The following MAP2K4 variants were observed in gnomAD, a reference collection of about 807,000 sequenced individuals.
MAP2K4 encodes dual specificity mitogen-activated protein kinase kinase 4.
MAP2K4 carries 4 observed loss-of-function variants against 48.5 expected under a neutral mutation model. That is an observed-to-expected ratio of 0.08 (90% CI 0.04 to 0.19). MAP2K4 has a LOEUF of 0.19. Among genes scored for constraint, MAP2K4 ranks in the 10% least tolerant of loss-of-function variants. The pLI, the probability that MAP2K4 is intolerant of heterozygous loss-of-function variation, is 1.00. For missense variants in MAP2K4, 258 were observed against 493.3 expected (o/e 0.52, Z 4.52); for synonymous variants, 166 against 173.1 (o/e 0.96, Z 0.32).
At chr17:12,097,173 G>T (rs764749678) in intron 4 of MAP2K4, among the ~76,000 whole-genome samples, 1 of 151,878 alleles carries the variant, frequency 6.6e-6, no homozygotes, top group Non-Finnish European at 1.5e-5. Context: ...TTTTCTTCAC[G>T]ATCATTAAAT....
chr17:12,031,553 T>G (rs2151509900), intron 1 of MAP2K4, among the ~76,000 whole-genome samples: 1 of 152,320 alleles, frequency 6.6e-6, no homozygotes, highest in African/African-American at 2.4e-5. Flanking sequence ...TGGATGCATC[T>G]TATCAAAAAT....
At chr17:12,048,096 G>A (rs1012696659) in intron 1 of MAP2K4, among the ~76,000 whole-genome samples, 1 of 152,068 alleles carries the variant, frequency 6.6e-6, no homozygotes, top group Non-Finnish European at 1.5e-5. Context: ...TTGAACTCAT[G>A]GGCGCAAACG....
intron 1 of MAP2K4, among the ~76,000 whole-genome samples, chr17:12,033,998 C>T (rs1196935979): frequency 2.6e-5 from 4 of 152,014 alleles, no homozygotes; most frequent in African/African-American, 9.7e-5. Flanking sequence ...GCTATGTTGC[C>T]CAGGCTGGTC....
intron 1 of MAP2K4, among the ~76,000 whole-genome samples, chr17:12,028,306 A>T (rs1488041672): frequency 6.6e-6 from 1 of 152,190 alleles, no homozygotes; most frequent in East Asian, 1.9e-4. Context: ...GGATTTGATG[A>T]GTATTTTATC....
intron 4 of MAP2K4, among the ~76,000 whole-genome samples, chr17:12,103,894 CTTTTTA>C (rs572172141): frequency 6.3e-4 from 96 of 151,986 alleles, no homozygotes; most frequent in African/African-American, 2.2e-3. Flanking sequence ...TTAAATACAC[CTTTTTA>C]TTTTATTTTT....
chr17:12,022,920 G>A (rs186768404), intron 1 of MAP2K4, among the ~76,000 whole-genome samples: 1 of 152,308 alleles, frequency 6.6e-6, no homozygotes, highest in Non-Finnish European at 1.5e-5. Context: ...GTGTATGAAG[G>A]TTCCAAAGCA....
chr17:12,096,331 T>A (rs1271102169), intron 4 of MAP2K4, among the ~76,000 whole-genome samples: 1 of 152,178 alleles, frequency 6.6e-6, no homozygotes, highest in Non-Finnish European at 1.5e-5. Context: ...TTATTTTGTG[T>A]CCCAACTTGG....
chr17:12,058,221 A>C (rs1391846102), intron 2 of MAP2K4, among the ~76,000 whole-genome samples: 7 of 142,110 alleles, frequency 4.9e-5, no homozygotes, highest in African/African-American at 1.8e-4. Flanking sequence ...AATTAACTAG[A>C]CCTTTCTTTT....
Position 12,107,904 on chromosome 17 carries a change from T to G in MAP2K4, c.628T>G (p.Leu210Val). Residue 210 changes from leucine to valine, a missense_variant, in exon 5 of 11, where the codon TTA becomes GTA. By Grantham distance (32) the Leu-to-Val change is conservative (BLOSUM62 1). Around this residue, in one of 3 missense-constraint regions of MAP2K4, gnomAD observed 132 missense variants for 352.8 expected, o/e 0.37. Transcript: ENST00000353533. ...IPEEILGKIT[L>V]ATVKALNHLK... Reference sequence around the variant, plus strand: ...AGAAGAAATTTTAGGCAAAATCACTTTAGCAGTAAGTACCTGGTCTTTAAA... The same window carrying G: ...AGAAGAAATTTTAGGCAAAATCACTGTAGCAGTAAGTACCTGGTCTTTAAA... 1.3e-6 allele frequency: 2 copies of G among 1,593,126 alleles called. No homozygotes were observed. Among genetic ancestry groups the G allele is most frequent in the Non-Finnish European group, 1.7e-6 (2 of 1,171,912 alleles).
At chr17:12,091,742 T>C (rs12946228) in intron 3 of MAP2K4, among the ~76,000 whole-genome samples, 25,604 of 152,094 alleles carry the variant, frequency 0.17, 2,538 homozygotes, top group South Asian at 0.3. Flanking sequence ...TGGGCTTATA[T>C]GCAATCTTGA....
chr17:12,071,679 C>G (rs1235837390), intron 2 of MAP2K4, among the ~76,000 whole-genome samples: 6 of 152,086 alleles, frequency 3.9e-5, no homozygotes, highest in African/African-American at 7.2e-5. Context: ...TGGCTCATCG[C>G]TAAATTACGG....
At position 12,048,528 on chromosome 17, in the gene MAP2K4, A is replaced by G. The variant is rs539199642; in HGVS notation, c.116-6361A>G. On this transcript the variant is annotated intron_variant, in intron 1 of 10. Coordinates refer to ENST00000353533, the MANE Select transcript of MAP2K4 (RefSeq NM_003010.4). ...TTTTAGTAATTGCTCACTCTTATGTATCAAAGATTGCCAGTGGGGGGAGAT... is the reference window on the plus strand; with the variant it reads ...TTTTAGTAATTGCTCACTCTTATGTGTCAAAGATTGCCAGTGGGGGGAGAT... Among the ~76,000 whole-genome samples, 67 of 152,270 alleles carry G rather than the reference A, an allele frequency of 4.4e-4. 1 individual carries two copies. In the South Asian group the frequency reaches 8.9e-3, roughly 20 times the overall value.
At chr17:12,089,491 T>G (rs1363693445) in intron 3 of MAP2K4, among the ~76,000 whole-genome samples, 1 of 152,234 alleles carries the variant, frequency 6.6e-6, no homozygotes, top group African/African-American at 2.4e-5. Context: ...AGCCCTACAC[T>G]GATTTCCTCT....
At chr17:12,102,528 T>C (rs979676593) in intron 4 of MAP2K4, among the ~76,000 whole-genome samples, 1 of 152,156 alleles carries the variant, frequency 6.6e-6, no homozygotes, top group Non-Finnish European at 1.5e-5. Flanking sequence ...ATTGTAATGC[T>C]AGCCTCATAG....
chr17:12,048,861 T>C (rs925955841), intron 1 of MAP2K4, among the ~76,000 whole-genome samples: 3 of 152,090 alleles, frequency 2.0e-5, no homozygotes, highest in Non-Finnish European at 4.4e-5. Context: ...TTTACCATGT[T>C]GGCCTGGCTG....
intron 1 of MAP2K4, among the ~76,000 whole-genome samples, chr17:12,050,874 A>G (rs1169960477): frequency 6.6e-6 from 1 of 152,214 alleles, no homozygotes; most frequent in African/African-American, 2.4e-5. Flanking sequence ...ACACTTGACC[A>G]ATCCCTTTCT....
At chr17:12,124,455 A>G (rs1281365030) in intron 7 of MAP2K4, 2 of 152,226 alleles carry the variant, frequency 1.3e-5, no homozygotes, top group African/African-American at 2.4e-5. Context: ...ACAGACAAAT[A>G]TCTTTACACA....
chr17:12,025,098 G>A (rs557016962), intron 1 of MAP2K4, among the ~76,000 whole-genome samples: 1 of 152,284 alleles, frequency 6.6e-6, no homozygotes, highest in Admixed American at 6.5e-5. Context: ...AGCAGCTAGC[G>A]TTCCCATAGC....
At chr17:12,054,128 G>T (rs1171596244) in intron 1 of MAP2K4, among the ~76,000 whole-genome samples, 2 of 152,054 alleles carry the variant, frequency 1.3e-5, no homozygotes, top group Non-Finnish European at 2.9e-5. Flanking sequence ...TTCAATTGTA[G>T]TGAAAAAATA....
Sources: allele counts gnomAD v4.1 joint callset (sites outside exome capture counted in the v4.1 genomes callset), GRCh38; gene constraint gnomAD v4.1.1; regional missense constraint gnomAD v4.1.1; transcripts MANE v1.5; gene names NCBI Gene and HGNC (gene_info 2026-07-23, HGNC 2026-07-21).